Variants in MTSS1 observed in about 807,000 individuals in gnomAD.
The protein encoded by MTSS1 is protein MTSS 1.
Under a neutral mutation model 79.0 loss-of-function variants are expected in MTSS1, and 18 were observed. The observed-to-expected ratio is 0.23, with a 90% CI of 0.16 to 0.34. MTSS1 has a LOEUF of 0.34. MTSS1 is among the 10% of genes least tolerant of loss of function. MTSS1 has a pLI of 1.00. For missense variants in MTSS1, 815 were observed against 986.2 expected, an observed-to-expected ratio of 0.83 and a Z score of 2.33; for synonymous variants, 341 against 368.6, an observed-to-expected ratio of 0.93 and a Z score of 0.86.
chr8:124,713,011 C>T (rs1167661271), intron 1 of MTSS1, among the ~76,000 whole-genome samples: 1 of 152,170 alleles, frequency 6.6e-6, no homozygotes, highest in African/African-American at 2.4e-5. Flanking sequence ...CCATATCTTC[C>T]AAGTCATTTT....
chr8:124,573,999 AT>A (rs553348592), intron 6 of MTSS1, among the ~76,000 whole-genome samples: 57 of 149,160 alleles, frequency 3.8e-4, no homozygotes, highest in African/African-American at 1.0e-3. Context: ...GAAGGAAGGA[AT>A]TTTTTTTTTT....
intron 10 of MTSS1, among the ~76,000 whole-genome samples, chr8:124,560,608 G>A (rs1231271529): frequency 1.3e-5 from 2 of 152,252 alleles, no homozygotes; most frequent in African/African-American, 2.4e-5. Flanking sequence ...CTATGATCCC[G>A]CCACTGCACT....
intron 1 of MTSS1, among the ~76,000 whole-genome samples, chr8:124,726,952 T>C (rs576451867): frequency 1.3e-5 from 2 of 152,232 alleles, no homozygotes; most frequent in East Asian, 3.9e-4. Context: ...GCGCGGCTGG[T>C]TTTATTTCCT....
chr8:124,583,817 A>T (rs1398740724), intron 6 of MTSS1, among the ~76,000 whole-genome samples: 1 of 152,180 alleles, frequency 6.6e-6, no homozygotes, highest in Non-Finnish European at 1.5e-5. Context: ...TTCATGGAAT[A>T]TGGTAGTAAT....
At chr8:124,568,622 G>A (rs112648419) in intron 6 of MTSS1, 86 bp from the exon 7 acceptor site, 2 of 1,578,340 alleles carry the variant, frequency 1.3e-6, no homozygotes, top group Admixed American at 1.7e-5. Flanking sequence ...CCTTGCTGGA[G>A]TCAAAACCAC....
At chr8:124,670,236 C>T (rs1326497222) in intron 3 of MTSS1, among the ~76,000 whole-genome samples, 2 of 152,220 alleles carry the variant, frequency 1.3e-5, no homozygotes, top group East Asian at 3.9e-4. Flanking sequence ...GAGCTGAAAC[C>T]ACACAAAGAT....
At chr8:124,586,360 A>G (rs1049618550) in intron 5 of MTSS1, among the ~76,000 whole-genome samples, 6 of 152,156 alleles carry the variant, frequency 3.9e-5, no homozygotes, top group Admixed American at 2.6e-4. Context: ...CTATCTGGCT[A>G]GGGCCCCTTC....
intron 3 of MTSS1, among the ~76,000 whole-genome samples, chr8:124,602,207 AATTTTTTTTT>A (rs1834056270): frequency 2.1e-5 from 3 of 142,196 alleles, no homozygotes; most frequent in South Asian, 2.2e-4. Flanking sequence ...ATATATATAT[AATTTTTTTTT>A]GAGACACGGT....
intron 3 of MTSS1, among the ~76,000 whole-genome samples, chr8:124,667,600 C>T (rs962951123): frequency 2.6e-5 from 4 of 152,146 alleles, no homozygotes; most frequent in Admixed American, 2.6e-4. Context: ...GCTGAGATCA[C>T]ACCATTGCAC....
intron 10 of MTSS1, among the ~76,000 whole-genome samples, chr8:124,560,018 G>A (rs751096538): frequency 5.9e-5 from 9 of 152,178 alleles, no homozygotes; most frequent in Non-Finnish European, 1.0e-4. Flanking sequence ...AGGGCAAGGA[G>A]ACAATCAGAC....
chr8:124,634,909 G>A (rs1433764370), intron 3 of MTSS1, among the ~76,000 whole-genome samples: 1 of 152,174 alleles, frequency 6.6e-6, no homozygotes, highest in South Asian at 2.1e-4. Context: ...GGGAAGTGCC[G>A]TTCTATGCTG....
chr8:124,689,005 A>T (rs994689766), intron 3 of MTSS1, among the ~76,000 whole-genome samples: 7 of 152,170 alleles, frequency 4.6e-5, no homozygotes, highest in African/African-American at 1.7e-4. Flanking sequence ...AAAACTTCCA[A>T]GTAGTTCTCA....
At chr8:124,665,370 C>A (rs1047804845) in intron 3 of MTSS1, among the ~76,000 whole-genome samples, 2 of 152,358 alleles carry the variant, frequency 1.3e-5, no homozygotes, top group East Asian at 3.9e-4. Flanking sequence ...GACCTGAGTT[C>A]GTAACATTTC....
chr8:124,620,431 G>A (rs919233430), intron 3 of MTSS1, among the ~76,000 whole-genome samples: 2 of 152,202 alleles, frequency 1.3e-5, no homozygotes, highest in African/African-American at 2.4e-5. Flanking sequence ...CAAGGTATTT[G>A]TGGAGGGCAT....
chr8:124,644,211 C>T (rs890270418), intron 3 of MTSS1, among the ~76,000 whole-genome samples: 1 of 152,132 alleles, frequency 6.6e-6, no homozygotes, highest in African/African-American at 2.4e-5. Context: ...AACCTCAAAC[C>T]ACATTGAAAT....
intron 3 of MTSS1, among the ~76,000 whole-genome samples, chr8:124,610,251 T>C (rs899971288): frequency 6.6e-6 from 1 of 152,178 alleles, no homozygotes; most frequent in Non-Finnish European, 1.5e-5. Flanking sequence ...GTCGTTTTAT[T>C]TTGTGACATG....
intron 3 of MTSS1, among the ~76,000 whole-genome samples, chr8:124,615,135 T>C (rs1836604882): frequency 6.6e-6 from 1 of 152,060 alleles, no homozygotes; most frequent in Non-Finnish European, 1.5e-5. Flanking sequence ...AGGAGTCCAG[T>C]GTGGCCAGAG....
intron 3 of MTSS1, among the ~76,000 whole-genome samples, chr8:124,667,841 G>C (rs1429118017): frequency 2.6e-5 from 4 of 151,894 alleles, no homozygotes; most frequent in Non-Finnish European, 4.4e-5. Context: ...ACTTTGGGAG[G>C]CCAGGGTGGG....
At chr8:124,678,942 C>T (rs749345635) in intron 3 of MTSS1, among the ~76,000 whole-genome samples, 95 of 152,350 alleles carry the variant, frequency 6.2e-4, no homozygotes, top group Non-Finnish European at 8.1e-4. Context: ...CCCTTCTTTA[C>T]TTTCCCCACT....
Sources: allele counts gnomAD v4.1 joint callset (sites outside exome capture counted in the v4.1 genomes callset), GRCh38; gene constraint gnomAD v4.1.1; transcripts MANE v1.5; gene names NCBI Gene and HGNC (gene_info 2026-07-23, HGNC 2026-07-21).